Variants in THSD7B observed in about 807,000 individuals in gnomAD.
THSD7B encodes thrombospondin type 1 domain containing 7B, also known as thrombospondin type-1 domain-containing protein 7B.
Under a neutral mutation model 213.6 loss-of-function variants are expected in THSD7B, and 138 were observed. The ratio of observed to expected loss-of-function variants is 0.65; its 90% CI spans 0.56 to 0.74. The LOEUF (loss-of-function observed/expected upper bound fraction) is 0.74, where lower values mean the gene tolerates loss of function less well. Ranked by LOEUF, THSD7B falls within the 30% of genes least tolerant of loss-of-function variation. THSD7B has a pLI of 0.00. For missense variants in THSD7B, 1,931 were observed against 1,991.5 expected, an observed-to-expected ratio of 0.97 and a Z score of 0.58; for synonymous variants, 742 against 687.0, an observed-to-expected ratio of 1.08 and a Z score of -1.25.
At chr2:136,895,524 T>TTC (rs1683943020) in intron 2 of THSD7B, among the ~76,000 whole-genome samples, 1 of 142,866 alleles carries the variant, frequency 7.0e-6, no homozygotes. Flanking sequence ...CTTTTTTTTT[T>TTC]TTTTTTTTTT....
At chr2:136,864,767 T>C (rs1301908320) in intron 1 of THSD7B, among the ~76,000 whole-genome samples, 1 of 152,188 alleles carries the variant, frequency 6.6e-6, no homozygotes, top group Non-Finnish European at 1.5e-5. Context: ...TTAGCCAGGA[T>C]GGTCTTGATC....
chr2:137,374,233 G>A (rs566407052), intron 12 of THSD7B, among the ~76,000 whole-genome samples: 1 of 152,090 alleles, frequency 6.6e-6, no homozygotes, highest in Non-Finnish European at 1.5e-5. Flanking sequence ...ATTTTTTAAA[G>A]CACATCCTTT....
intron 7 of THSD7B, among the ~76,000 whole-genome samples, chr2:137,187,927 T>A (rs1680580834): frequency 6.9e-6 from 1 of 145,294 alleles, no homozygotes; most frequent in Non-Finnish European, 1.5e-5. Context: ...GATCTGAGAT[T>A]TTAATATCAA....
chr2:136,887,827 TAAACA>T (rs1210494249), intron 2 of THSD7B, among the ~76,000 whole-genome samples: 4 of 152,070 alleles, frequency 2.6e-5, no homozygotes, highest in Non-Finnish European at 4.4e-5. Context: ...CTAATACAGG[TAAACA>T]AATGTTCAAA....
At chr2:137,301,524 G>A (rs1437566123) in intron 12 of THSD7B, among the ~76,000 whole-genome samples, 2 of 152,042 alleles carry the variant, frequency 1.3e-5, no homozygotes, top group African/African-American at 2.4e-5. Flanking sequence ...ACTGAATCAG[G>A]AGAGGAGGAC....
At chr2:137,312,090 C>T (rs1446489577) in intron 12 of THSD7B, among the ~76,000 whole-genome samples, 20 of 151,088 alleles carry the variant, frequency 1.3e-4, no homozygotes, top group African/African-American at 4.6e-4. Flanking sequence ...GGTACCAGTT[C>T]CTCCTTGTAC....
At chr2:137,511,523 T>C (rs1679960918) in intron 15 of THSD7B, among the ~76,000 whole-genome samples, 1 of 152,246 alleles carries the variant, frequency 6.6e-6, no homozygotes, top group African/African-American at 2.4e-5. Context: ...GAAAATCTGC[T>C]GCTCTGAAGG....
At chr2:137,371,333 T>G (rs140676782) in intron 12 of THSD7B, among the ~76,000 whole-genome samples, 1 of 152,318 alleles carries the variant, frequency 6.6e-6, no homozygotes, top group African/African-American at 2.4e-5. Context: ...TATTCCGTTC[T>G]CACACTTGAA....
chr2:137,085,816 ACC>A (rs1172851298), intron 3 of THSD7B, among the ~76,000 whole-genome samples: 1 of 152,204 alleles, frequency 6.6e-6, no homozygotes, highest in African/African-American at 2.4e-5. Context: ...TGGCATAAAA[ACC>A]ACAAACTATG....
At chr2:137,455,275 G>C (rs1217679463) in intron 15 of THSD7B, among the ~76,000 whole-genome samples, 1 of 152,098 alleles carries the variant, frequency 6.6e-6, no homozygotes, top group Admixed American at 6.5e-5. Context: ...AAATATATTA[G>C]AACTCTGGTC....
chr2:137,005,745 A>G (rs1686093196), intron 2 of THSD7B, among the ~76,000 whole-genome samples: 1 of 152,172 alleles, frequency 6.6e-6, no homozygotes, highest in Non-Finnish European at 1.5e-5. Flanking sequence ...AAATAGCAGA[A>G]TCGTGTTGTA....
chr2:137,525,579 G>C (rs949465050), intron 15 of THSD7B, among the ~76,000 whole-genome samples: 4 of 152,078 alleles, frequency 2.6e-5, no homozygotes, highest in African/African-American at 9.7e-5. Flanking sequence ...GTAGTGTTTT[G>C]CATCTGTAAT....
At chr2:137,640,837 A>G (rs1255287644) in intron 20 of THSD7B, among the ~76,000 whole-genome samples, 2 of 151,474 alleles carry the variant, frequency 1.3e-5, no homozygotes, top group African/African-American at 4.8e-5. Context: ...CATATAGTCC[A>G]CTTACTTAAT....
intron 5 of THSD7B, among the ~76,000 whole-genome samples, chr2:137,141,196 G>A (rs1279145947): frequency 6.6e-6 from 1 of 152,144 alleles, no homozygotes; most frequent in East Asian, 1.9e-4. Context: ...GCAAGGGTTT[G>A]AGATTTAGTT....
chr2:137,249,250 T>G (rs1391646899), intron 10 of THSD7B, among the ~76,000 whole-genome samples: 2 of 152,130 alleles, frequency 1.3e-5, no homozygotes, highest in Non-Finnish European at 2.9e-5. Flanking sequence ...TTTTTTCCTA[T>G]ATATTTTTTT....
chr2:137,374,886 G>A (rs1024837940), intron 12 of THSD7B, among the ~76,000 whole-genome samples: 1 of 152,150 alleles, frequency 6.6e-6, no homozygotes. Context: ...AGTGGGTCAT[G>A]CAGCTATCAC....
intron 14 of THSD7B, among the ~76,000 whole-genome samples, chr2:137,434,959 A>G (rs1207249344): frequency 2.6e-5 from 4 of 152,222 alleles, no homozygotes; most frequent in African/African-American, 9.6e-5. Context: ...TTGCCTAAAA[A>G]ACTTACGGTA....
At chr2:137,304,943 T>A (rs911202644) in intron 12 of THSD7B, among the ~76,000 whole-genome samples, 1 of 152,154 alleles carries the variant, frequency 6.6e-6, no homozygotes, top group Non-Finnish European at 1.5e-5. Context: ...TAATGGTGAA[T>A]GTTGTCTTCT....
intron 2 of THSD7B, among the ~76,000 whole-genome samples, chr2:137,011,545 C>T (rs1686231053): frequency 6.6e-6 from 1 of 152,156 alleles, no homozygotes; most frequent in African/African-American, 2.4e-5. Flanking sequence ...TGTCCCCCGA[C>T]ATTGCCAAAT....
Sources: allele counts gnomAD v4.1 joint callset (sites outside exome capture counted in the v4.1 genomes callset), GRCh38; gene constraint gnomAD v4.1.1; transcripts MANE v1.5; gene names NCBI Gene and HGNC (gene_info 2026-07-23, HGNC 2026-07-21).